Variants in RBFOX1 observed in about 807,000 individuals in gnomAD.
RBFOX1 encodes the protein RNA binding fox-1 homolog 1, also known as RNA binding protein fox-1 homolog 1.
A neutral mutation model predicts 57.7 loss-of-function variants in RBFOX1; 8 were observed. That is an observed-to-expected ratio of 0.14 (90% confidence interval 0.08 to 0.25). The LOEUF is 0.25. Among genes scored for constraint, RBFOX1 ranks in the 10% least tolerant of loss-of-function variants. The pLI, the probability that RBFOX1 is intolerant of heterozygous loss-of-function variation, is 1.00. For missense variants in RBFOX1, 611 were observed against 548.5 expected (o/e 1.11, Z -1.14); for synonymous variants, 326 against 222.4 (o/e 1.47, Z -4.15).
intron 5 of RBFOX1, among the ~76,000 whole-genome samples, chr16:7,556,330 C>T (rs1468462281): frequency 6.6e-6 from 1 of 152,172 alleles, no homozygotes; most frequent in East Asian, 1.9e-4. Context: ...CATGCTTCCC[C>T]TCCATTTCAT....
At chr16:6,863,425 A>G (rs9931947) in intron 3 of RBFOX1, among the ~76,000 whole-genome samples, 1 of 151,990 alleles carries the variant, frequency 6.6e-6, no homozygotes, top group African/African-American at 2.4e-5. Flanking sequence ...GAAAAGGCCC[A>G]TAATGGAAGG....
At chr16:7,140,157 C>CCTCTCTCT (rs57128710) in intron 4 of RBFOX1, among the ~76,000 whole-genome samples, 1,616 of 70,708 alleles carry the variant, frequency 0.023, 62 homozygotes, top group East Asian at 0.037. Context: ...TCCTTCTCTC[C>CCTCTCTCT]CTCTCTCTCT....
intron 1 of RBFOX1, among the ~76,000 whole-genome samples, chr16:6,225,232 AT>A (rs1567717342): frequency 2.1e-3 from 1 of 470 alleles, no homozygotes; most frequent in East Asian, 0.25. Flanking sequence ...TAGGAGAGTT[AT>A]ATATATATAT....
chr16:6,438,386 G>A (rs12600000), intron 2 of RBFOX1, among the ~76,000 whole-genome samples: 5,635 of 152,228 alleles, frequency 0.037, 268 homozygotes, highest in East Asian at 0.12. Context: ...AAGTGGTGGA[G>A]TTGGACTCAC....
intron 4 of RBFOX1, among the ~76,000 whole-genome samples, chr16:7,273,953 C>A (rs1221595256): frequency 6.6e-6 from 1 of 152,112 alleles, no homozygotes; most frequent in African/African-American, 2.4e-5. Context: ...GTCTATAATA[C>A]TTTTTATTAA....
intron 4 of RBFOX1, among the ~76,000 whole-genome samples, chr16:7,345,847 C>A (rs953088902): frequency 3.3e-5 from 5 of 151,868 alleles, no homozygotes; most frequent in Admixed American, 6.6e-5. Context: ...TTTTATTATA[C>A]TTTAAGTTCT....
At chr16:6,527,715 G>A (rs148076430) in intron 2 of RBFOX1, among the ~76,000 whole-genome samples, 2 of 152,076 alleles carry the variant, frequency 1.3e-5, no homozygotes, top group African/African-American at 4.8e-5. Context: ...CTGAGTCAGA[G>A]CCTGAAATCG....
At chr16:7,682,803 T>G (rs1428681337) in intron 14 of RBFOX1, among the ~76,000 whole-genome samples, 3 of 150,542 alleles carry the variant, frequency 2.0e-5, no homozygotes, top group African/African-American at 7.3e-5. Context: ...CTTGTTCATT[T>G]AAAGTTTACT....
At chr16:7,477,207 C>T (rs369844529) in intron 4 of RBFOX1, among the ~76,000 whole-genome samples, 1 of 152,130 alleles carries the variant, frequency 6.6e-6, no homozygotes, top group African/African-American at 2.4e-5. Flanking sequence ...GTATATCTGT[C>T]TCTTGGGTTG....
chr16:5,254,104 G>A lies in RBFOX1; in HGVS notation c.219+13999G>A, dbSNP rs2062524666. Among the ~76,000 whole-genome samples, 3 of 152,218 alleles carry A rather than the reference G, an allele frequency of 2.0e-5. No homozygotes were observed. In the South Asian group the frequency reaches 6.2e-4, roughly 32 times the overall value. ...TCTGATTCTCATTTGTGTCTCTAGT[G>A]TTTAGTATATGCTCACCTAGAATTT... On this transcript the variant is annotated intron_variant, in intron 1 of 2. Transcript: ENST00000585867.
chr16:6,545,193 C>T (rs1193420008), intron 2 of RBFOX1, among the ~76,000 whole-genome samples: 10 of 152,192 alleles, frequency 6.6e-5, no homozygotes, highest in Admixed American at 5.9e-4. Context: ...CTACAAGCCT[C>T]CTAACTGGTC....
At chr16:5,408,351 T>A (rs13337226) in intron 1 of RBFOX1, among the ~76,000 whole-genome samples, 1 of 152,120 alleles carries the variant, frequency 6.6e-6, no homozygotes, top group African/African-American at 2.4e-5. Flanking sequence ...ATCAATACAT[T>A]CCTTTTTTTA....
chr16:5,452,545 A>G (rs898376898), intron 1 of RBFOX1, among the ~76,000 whole-genome samples: 8 of 151,854 alleles, frequency 5.3e-5, no homozygotes, highest in Non-Finnish European at 7.4e-5. Flanking sequence ...ACCCATTTCA[A>G]CAATTCCCAT....
chr16:7,280,969 C>T (rs1172498006), intron 4 of RBFOX1, among the ~76,000 whole-genome samples: 4 of 110,702 alleles, frequency 3.6e-5, no homozygotes, highest in African/African-American at 1.6e-4. Context: ...CCCTCCCTCC[C>T]TCCCTCCCTC....
At chr16:7,604,981 A>C (rs1254184566) in intron 9 of RBFOX1, among the ~76,000 whole-genome samples, 1 of 152,178 alleles carries the variant, frequency 6.6e-6, no homozygotes, top group African/African-American at 2.4e-5. Flanking sequence ...GTGATCACTT[A>C]ATAATTATTC....
chr16:6,224,479 G>C (rs1388127865), intron 1 of RBFOX1, among the ~76,000 whole-genome samples: 1 of 152,058 alleles, frequency 6.6e-6, no homozygotes, highest in East Asian at 1.9e-4. Flanking sequence ...GATGTTGCTG[G>C]TCTATGGACC....
intron 14 of RBFOX1, among the ~76,000 whole-genome samples, chr16:7,706,268 TATTA>T (rs2082407983): frequency 6.6e-6 from 1 of 152,228 alleles, no homozygotes; most frequent in African/African-American, 2.4e-5. Flanking sequence ...AAATGAAATT[TATTA>T]ATCATAATAA....
At chr16:5,882,150 C>T (rs1262993195) in intron 4 of RBFOX1, among the ~76,000 whole-genome samples, 2 of 152,230 alleles carry the variant, frequency 1.3e-5, no homozygotes, top group Admixed American at 1.3e-4. Flanking sequence ...CAGGCATTCT[C>T]TTTCCACACA....
At chr16:6,118,400 A>T (rs2096520490) in intron 1 of RBFOX1, among the ~76,000 whole-genome samples, 1 of 152,182 alleles carries the variant, frequency 6.6e-6, no homozygotes, top group Non-Finnish European at 1.5e-5. Context: ...TCCAAAATCA[A>T]AGCACCAGCA....
Sources: gnomAD v4.1 joint callset for allele counts (sites outside exome capture counted in the v4.1 genomes callset) on GRCh38, gnomAD v4.1.1 for gene constraint, MANE v1.5 for transcripts, NCBI Gene and HGNC (gene_info 2026-07-23, HGNC 2026-07-21) for gene names.